Variants in KCNIP4 observed in about 807,000 individuals in gnomAD.
The protein encoded by KCNIP4 is Kv channel-interacting protein 4.
Under a neutral mutation model 34.0 loss-of-function variants are expected in KCNIP4, and 12 were observed. That is an observed-to-expected ratio of 0.35 (90% CI 0.23 to 0.57). KCNIP4 has a LOEUF of 0.57. Ranked by LOEUF, KCNIP4 falls within the 20% of genes least tolerant of loss-of-function variation. The pLI, the probability that KCNIP4 is intolerant of heterozygous loss-of-function variation, is 0.83. For missense variants in KCNIP4, 238 were observed against 311.7 expected, an observed-to-expected ratio of 0.76 and a Z score of 1.78; for synonymous variants, 124 against 102.2, an observed-to-expected ratio of 1.21 and a Z score of -1.29.
At chr4:20,872,301 C>T (rs1053842724) in intron 2 of KCNIP4, among the ~76,000 whole-genome samples, 1 of 152,078 alleles carries the variant, frequency 6.6e-6, no homozygotes, top group African/African-American at 2.4e-5. Flanking sequence ...AGTTCATCTC[C>T]AGAACTCATC....
intron 1 of KCNIP4, among the ~76,000 whole-genome samples, chr4:21,035,805 A>G (rs1741399114): frequency 6.6e-6 from 1 of 152,118 alleles, no homozygotes; most frequent in Non-Finnish European, 1.5e-5. Context: ...AATGGCCTGC[A>G]TCTGTGGCTC....
chr4:21,851,994 ATATGTGTGTGTGTGTGTGTGTG>A (rs1381547793), intron 1 of KCNIP4: 29 of 150,562 alleles, frequency 1.9e-4, no homozygotes, highest in Admixed American at 1.3e-3. Context: ...AATTCAATTA[ATATGTGTGTGTGTGTGTGTGTG>A]TGTGTGTGTG....
At chr4:21,812,105 A>G (rs541268690) in intron 1 of KCNIP4, among the ~76,000 whole-genome samples, 1 of 152,370 alleles carries the variant, frequency 6.6e-6, no homozygotes, top group East Asian at 1.9e-4. Context: ...TATATTCACA[A>G]TAACTATTTT....
chr4:21,947,558 A>C (rs190012778), intron 1 of KCNIP4, among the ~76,000 whole-genome samples: 1 of 152,178 alleles, frequency 6.6e-6, no homozygotes, highest in East Asian at 1.9e-4. Flanking sequence ...CGAATGATTG[A>C]CTCAAGTTGT....
intron 1 of KCNIP4, among the ~76,000 whole-genome samples, chr4:21,395,376 A>C (rs1722899548): frequency 6.6e-6 from 1 of 152,138 alleles, no homozygotes; most frequent in Non-Finnish European, 1.5e-5. Flanking sequence ...TTTCCTAAAA[A>C]TCTATTTGTC....
intron 1 of KCNIP4, among the ~76,000 whole-genome samples, chr4:21,158,466 G>A (rs1372700682): frequency 6.6e-6 from 1 of 152,124 alleles, no homozygotes; most frequent in Non-Finnish European, 1.5e-5. Flanking sequence ...ATCAAGTGGG[G>A]CTTATCTCAG....
chr4:21,898,631 C>A (rs1169123226), intron 1 of KCNIP4, among the ~76,000 whole-genome samples: 1 of 152,160 alleles, frequency 6.6e-6, no homozygotes, highest in African/African-American at 2.4e-5. Context: ...GAATAATCAG[C>A]AATCATACCC....
At chr4:21,934,544 T>C (rs565000546) in intron 1 of KCNIP4, among the ~76,000 whole-genome samples, 1 of 152,212 alleles carries the variant, frequency 6.6e-6, no homozygotes, top group Admixed American at 6.5e-5. Flanking sequence ...GTATATAACA[T>C]AGAAACTCAC....
At chr4:21,364,728 T>C (rs1184312543) in intron 1 of KCNIP4, among the ~76,000 whole-genome samples, 1 of 152,044 alleles carries the variant, frequency 6.6e-6, no homozygotes, top group African/African-American at 2.4e-5. Context: ...TCAAATAGAT[T>C]ATAAGGACAC....
intron 1 of KCNIP4, among the ~76,000 whole-genome samples, chr4:21,447,934 T>C (rs1728173015): frequency 6.6e-6 from 1 of 152,152 alleles, no homozygotes; most frequent in Non-Finnish European, 1.5e-5. Context: ...CAAGCAACTT[T>C]ATACTTACAA....
intron 1 of KCNIP4, among the ~76,000 whole-genome samples, chr4:21,945,636 A>T (rs1730470036): frequency 1.3e-5 from 2 of 152,074 alleles, no homozygotes; most frequent in African/African-American, 4.8e-5. Flanking sequence ...AACATCTGCC[A>T]TCTCTAAGTT....
At chr4:21,017,974 T>C (rs1334944817) in intron 1 of KCNIP4, among the ~76,000 whole-genome samples, 2 of 152,228 alleles carry the variant, frequency 1.3e-5, no homozygotes, top group Non-Finnish European at 2.9e-5. Flanking sequence ...GGTGTTTATA[T>C]ATTTTTAGTA....
At chr4:21,519,472 G>T (rs1227021055) in intron 1 of KCNIP4, among the ~76,000 whole-genome samples, 1 of 105,182 alleles carries the variant, frequency 9.5e-6, no homozygotes, top group Non-Finnish European at 2.1e-5. Context: ...GTGTGTATGT[G>T]TATGTGTATA....
chr4:21,303,549 A>G (rs192151645), intron 1 of KCNIP4, among the ~76,000 whole-genome samples: 117 of 152,294 alleles, frequency 7.7e-4, no homozygotes, highest in Non-Finnish European at 1.3e-3. Context: ...ACAAACCCTT[A>G]ATTACTTCAG....
chr4:21,610,235 G>C (rs534402216), intron 1 of KCNIP4, among the ~76,000 whole-genome samples: 4 of 152,346 alleles, frequency 2.6e-5, no homozygotes, highest in African/African-American at 9.6e-5. Flanking sequence ...CTGGAGGCTA[G>C]ACATCCAAAA....
chr4:21,360,817 T>C (rs1213317203), intron 1 of KCNIP4, among the ~76,000 whole-genome samples: 1 of 152,094 alleles, frequency 6.6e-6, no homozygotes. Context: ...AGTCCTTGCC[T>C]AAACGGTCAT....
rs573004493 is a variant in KCNIP4, at chr4:21,736,146, G to T, written c.61+212425C>A. Among the ~76,000 whole-genome samples, 4 of 152,232 alleles carry T rather than the reference G, an allele frequency of 2.6e-5. No homozygotes were observed. The East Asian group carries it at 7.7e-4, about 29-fold the overall frequency. ...ATGAGCAGTCTCTCAACTCCTATTT[G>T]GATTGGTTATTATATTGAGTAAGAA... On this transcript the variant is annotated intron_variant, in intron 1 of 8. Coordinates refer to ENST00000382152, the MANE Select transcript of KCNIP4 (RefSeq NM_025221.6).
chr4:21,497,974 C>A (rs28533854), intron 1 of KCNIP4, among the ~76,000 whole-genome samples: 5,745 of 152,082 alleles, frequency 0.038, 324 homozygotes, highest in African/African-American at 0.12. Context: ...TCCCCAGTAC[C>A]TATTATAATG....
rs34624781 is a variant in KCNIP4 at position 20,796,604 on chromosome 4, C to CTT, written c.289-37716_289-37715dup. On this transcript the variant is annotated intron_variant, in intron 3 of 8. Transcript: ENST00000382152. ...AAAAGCAGACAAAGCATTTTTATTG[C>CTT]TTTTTTTTTTTTTTTTACCACTTCC... Among the ~76,000 whole-genome samples the CTT allele has an allele frequency of 2.3e-4, 32 of 140,690 alleles. No homozygotes were observed. In the East Asian group the frequency reaches 2.5e-3, roughly 11 times the overall value. 92.3% of individuals were successfully genotyped at this position (140,690 alleles called of 152,430 possible). A position where few individuals can be genotyped will look rare whatever the true frequency, so the allele number is the denominator to read the frequency against.
Sources: allele counts gnomAD v4.1 joint callset (sites outside exome capture counted in the v4.1 genomes callset), GRCh38; gene constraint gnomAD v4.1.1; transcripts MANE v1.5; gene names NCBI Gene and HGNC (gene_info 2026-07-23, HGNC 2026-07-21).